The following TEX22 variants were observed in gnomAD, a reference collection of about 807,000 sequenced individuals.
The protein encoded by TEX22 is testis expressed 22.
TEX22 carries 16 observed loss-of-function variants against 11.3 expected under a neutral mutation model. The ratio of observed to expected loss-of-function variants is 1.42; its 90% confidence interval spans 0.96 to 2.15. The LOEUF is 2.15. Among genes scored for constraint, TEX22 ranks in the 30% most tolerant of loss-of-function variants. The pLI, the probability that TEX22 is intolerant of heterozygous loss-of-function variation, is 0.00. For missense variants in TEX22, 220 were observed against 208.6 expected (o/e 1.05, Z -0.34); for synonymous variants, 97 against 92.3 (o/e 1.05, Z -0.29).
chr14:105,410,857 G>A (rs1224622089), intron 2 of TEX22, among the ~76,000 whole-genome samples: 1 of 152,206 alleles, frequency 6.6e-6, no homozygotes, highest in Non-Finnish European at 1.5e-5. Context: ...TCTCCAGCTG[G>A]TGGTCCCTGC....
rs1435458686 is a variant in TEX22 at position 105,412,461 on chromosome 14, G to C, written c.*628G>C. 6.6e-6 allele frequency: 1 copy of C among 152,354 alleles called. No individual in the cohort carries two copies. Among genetic ancestry groups the C allele is most frequent in the Non-Finnish European group, 1.5e-5 (1 of 68,196 alleles). 9.4% of individuals were successfully genotyped at this position (152,354 alleles called of 1,614,324 possible). ...CTGGACAGCGATGCTGGTGGTGGACGAGGGCCAAGAGGGTATCCTGCGCAG... is the reference window on the plus strand; with the variant it reads ...CTGGACAGCGATGCTGGTGGTGGACCAGGGCCAAGAGGGTATCCTGCGCAG... On this transcript the variant is annotated 3_prime_UTR_variant, in exon 4 of 4. Transcript: ENST00000451127. This position sits in a 1 kb window ranked among gnomAD's most constrained non-coding sequence, Gnocchi z 5.8.
chr14:105,411,083 G>A (rs2081687078), intron 2 of TEX22, among the ~76,000 whole-genome samples: 1 of 152,266 alleles, frequency 6.6e-6, no homozygotes, highest in African/African-American at 2.4e-5. Flanking sequence ...CAAGCCGGGG[G>A]CCGGCCGTGA....
At position 105,412,860 on chromosome 14, in the gene TEX22, G is replaced by C. The variant is rs6576088; in HGVS notation, c.*1027G>C. ...GGAGCTGGACCTGTGCGGTGGCCTG[G>C]ACCACCAGATACACTACATGCTGGC... On this transcript the variant is annotated 3_prime_UTR_variant, in exon 4 of 4. Transcript: ENST00000451127. The surrounding 1 kb of genome is among the most constrained non-coding windows in gnomAD (Gnocchi z 5.8). The C allele has an allele frequency of 0.88, 133,913 of 152,136 alleles. 61,465 individuals carry two copies. Among genetic ancestry groups the C allele is most frequent in the Non-Finnish European group, 1 (68,002 of 68,104 alleles). 9.4% of individuals were successfully genotyped at this position (152,136 alleles called of 1,614,324 possible).
chr14:105,411,637 T>C, intron 3 of TEX22, 23 bp from the exon 4 acceptor site: 2 of 1,515,856 alleles, frequency 1.3e-6, no homozygotes, highest in Admixed American at 2.0e-5. Context: ...CCCTCGAGGC[T>C]CCCTGACCAC....
At chr14:105,399,953 C>G (rs587730169) in intron 2 of TEX22, among the ~76,000 whole-genome samples, 1 of 152,254 alleles carries the variant, frequency 6.6e-6, no homozygotes, top group Non-Finnish European at 1.5e-5. Flanking sequence ...ATTCCCCAAA[C>G]TGGAAGCATC....
intron 2 of TEX22, among the ~76,000 whole-genome samples, chr14:105,400,647 T>A (rs587735458): frequency 6.6e-6 from 1 of 152,224 alleles, no homozygotes; most frequent in East Asian, 1.9e-4. Flanking sequence ...GTATTTGTAG[T>A]TCCAAGAGAT....
chr14:105,411,773 G>C lies in TEX22; in HGVS notation c.393G>C (p.Ala131=). Residue 131 remains alanine, a synonymous_variant, in exon 4 of 4, where the codon GCG becomes GCC. Transcript: ENST00000451127. The stretch of plus-strand genomic sequence containing the variant: ...CCAACGCCTTCCAGGCCTTCCTGGC[G>C]CGCAGTGCGCCTTTCTGGCATAATG... ...ESTNAFQAFL[A]RSAPFWHNAT... is the part of the protein sequence containing the mutation. 6.6e-7 allele frequency: 1 copy of C among 1,504,606 alleles called. No individual in the cohort carries two copies. Among genetic ancestry groups the C allele is most frequent in the Non-Finnish European group, 8.8e-7 (1 of 1,130,510 alleles). The allele number at this position is 1,504,606 out of a possible 1,614,324, so 93.2% of individuals were successfully genotyped here. A position where few individuals can be genotyped will look rare whatever the true frequency, so the allele number is the denominator to read the frequency against.
chr14:105,402,764 A>G (rs893148359), intron 2 of TEX22, among the ~76,000 whole-genome samples: 4 of 152,100 alleles, frequency 2.6e-5, no homozygotes, highest in Non-Finnish European at 5.9e-5. Flanking sequence ...TCAAAAAAAA[A>G]AAAAAAAAAA....
intron 2 of TEX22, among the ~76,000 whole-genome samples, chr14:105,408,538 C>T (rs587632792): frequency 2.8e-4 from 43 of 152,312 alleles, no homozygotes; most frequent in African/African-American, 9.9e-4. Flanking sequence ...ATTCTCCTGC[C>T]TTAGCTTCCC....
intron 2 of TEX22, among the ~76,000 whole-genome samples, chr14:105,401,588 G>T (rs1222257617): frequency 7.9e-6 from 1 of 127,202 alleles, no homozygotes; most frequent in Non-Finnish European, 1.6e-5. Flanking sequence ...CTTGTGGGGT[G>T]GGGGGAGGGG....
At chr14:105,409,503 T>TC (rs2081677280) in intron 2 of TEX22, among the ~76,000 whole-genome samples, 1 of 145,338 alleles carries the variant, frequency 6.9e-6, no homozygotes, top group South Asian at 2.1e-4. Context: ...TTCTTCTTCT[T>TC]TTTTTTTTTT....
Position 105,399,349 on chromosome 14 carries a change from C to T in TEX22, c.9C>T (p.Ser3=). The stretch of plus-strand genomic sequence containing the variant: ...GCCTACTAGGGCTAGAGATGGACAG[C>T]AGGAAACTGTCCCCCCGGGGGAAGA... MD[S]RKLSPRGKKL... is the part of the protein sequence containing the mutation. Residue 3 remains serine, a synonymous_variant, in exon 2 of 4, where the codon AGC becomes AGT. Transcript: ENST00000451127. 1 of 1,535,496 alleles carries T rather than the reference C, an allele frequency of 6.5e-7. No individual in the cohort carries two copies. The highest frequency in any genetic ancestry group is 8.7e-7 in the Non-Finnish European group (1 of 1,146,696).
chr14:105,400,040 G>C (rs1471969079), intron 2 of TEX22, among the ~76,000 whole-genome samples: 2 of 152,230 alleles, frequency 1.3e-5, no homozygotes, highest in Non-Finnish European at 2.9e-5. Flanking sequence ...GGATATAGCT[G>C]TTCAGCCTTA....
At chr14:105,410,079 T>TTTTG (rs1393819953) in intron 2 of TEX22, among the ~76,000 whole-genome samples, 3 of 152,092 alleles carry the variant, frequency 2.0e-5, no homozygotes, top group African/African-American at 4.8e-5. Flanking sequence ...TCCTTACCTT[T>TTTTG]TTTGTTTGTT....
intron 2 of TEX22, among the ~76,000 whole-genome samples, chr14:105,403,641 T>A (rs1194247664): frequency 3.3e-5 from 5 of 152,168 alleles, no homozygotes; most frequent in Non-Finnish European, 7.3e-5. Flanking sequence ...CCTGGTGTGG[T>A]CTTGAACTGG....
intron 2 of TEX22, among the ~76,000 whole-genome samples, chr14:105,409,530 T>G (rs2081677545): frequency 6.7e-6 from 1 of 148,972 alleles, no homozygotes; most frequent in Non-Finnish European, 1.5e-5. Flanking sequence ...AGACAGAGTC[T>G]TGCACTGTCA....
intron 2 of TEX22, among the ~76,000 whole-genome samples, 153 bp downstream of exon 2, chr14:105,399,643 C>G (rs587775883): frequency 3.4e-4 from 52 of 152,336 alleles, no homozygotes; most frequent in Non-Finnish European, 1.5e-5. Context: ...ACTCAGGAGG[C>G]TCTCTTCCCC....
chr14:105,403,574 C>A (rs1361767898), intron 2 of TEX22, among the ~76,000 whole-genome samples: 2 of 152,186 alleles, frequency 1.3e-5, no homozygotes, highest in Non-Finnish European at 2.9e-5. Context: ...AGTGGCATGC[C>A]ACCATGCCTA....
intron 2 of TEX22, among the ~76,000 whole-genome samples, chr14:105,408,770 C>CT (rs1182481741): frequency 1.3e-5 from 2 of 152,148 alleles, no homozygotes; most frequent in African/African-American, 4.8e-5. Context: ...GTCCATGCCC[C>CT]ACCGCAGAGA....
Sources: gnomAD v4.1 joint callset for allele counts (sites outside exome capture counted in the v4.1 genomes callset) on GRCh38, gnomAD v4.1.1 for gene constraint, Gnocchi (gnomAD v3.1) non-coding constraint, MANE v1.5 for transcripts, NCBI Gene and HGNC (gene_info 2026-07-23, HGNC 2026-07-21) for gene names.